ME3: variants seen among roughly 807,000 people sequenced by gnomAD.
The protein encoded by ME3 is malic enzyme 3.
Under a neutral mutation model 68.9 loss-of-function variants are expected in ME3, and 48 were observed. The observed-to-expected ratio is 0.70, with a 90% CI of 0.55 to 0.89. ME3 has a LOEUF of 0.89. Among genes scored for constraint, ME3 ranks in the 40% least tolerant of loss-of-function variants. The pLI is 0.00. For missense variants in ME3, 675 were observed against 797.4 expected, an observed-to-expected ratio of 0.85 and a Z score of 1.85; for synonymous variants, 320 against 318.8, an observed-to-expected ratio of 1.00 and a Z score of -0.04.
At chr11:86,553,271 T>G (rs1956782666) in intron 4 of ME3, among the ~76,000 whole-genome samples, 1 of 152,220 alleles carries the variant, frequency 6.6e-6, no homozygotes, top group African/African-American at 2.4e-5. Flanking sequence ...AGTCTCAATT[T>G]TAGCATCAGC....
chr11:86,501,620 C>A (rs1392748157), intron 5 of ME3, among the ~76,000 whole-genome samples: 2 of 152,214 alleles, frequency 1.3e-5, no homozygotes, highest in African/African-American at 4.8e-5. Flanking sequence ...CCAATTCCCA[C>A]AAGTCCCTAA....
At chr11:86,566,143 G>A (rs1046558449) in intron 2 of ME3, among the ~76,000 whole-genome samples, 5 of 152,200 alleles carry the variant, frequency 3.3e-5, no homozygotes, top group African/African-American at 7.2e-5. Context: ...GAGTGGCTCC[G>A]TGGACAGCAG....
rs1001433200 is a variant in ME3, at chr11:86,446,904, C to T, written c.1380+161G>A. 4 of 997,248 alleles carry T rather than the reference C, an allele frequency of 4.0e-6. No individual in the cohort carries two copies. In the African/African-American group the frequency reaches 6.5e-5, roughly 16 times the overall value. 61.8% of individuals were successfully genotyped at this position (997,248 alleles called of 1,614,324 possible). ...TCAGACCTGGGTTTGACAGCCAGCT[C>T]CACTCCTTATTAGCTCTTTGACCTT... On this transcript the variant is annotated intron_variant, in intron 12 of 14. Transcript: ENST00000543262.
intron 5 of ME3, among the ~76,000 whole-genome samples, chr11:86,504,705 T>G (rs1952953822): frequency 6.6e-6 from 1 of 150,438 alleles, no homozygotes; most frequent in African/African-American, 2.5e-5. Flanking sequence ...TTTTTTGTTT[T>G]CGTTTTTGAG....
At position 86,611,417 on chromosome 11, in the gene ME3, A is replaced by T. The variant is rs73524074; in HGVS notation, c.184-51594T>A. Among the ~76,000 whole-genome samples the T allele has an allele frequency of 5.2e-3, 797 of 152,240 alleles. 5 individuals are homozygous for T. Among genetic ancestry groups the T allele is most frequent in the African/African-American group, 0.018 (753 of 41,546 alleles). ...AGAATTGTATACTTGAAATTTTCTA[A>T]GAGAGTAGATCTTAAGTGTTCTCAA... On this transcript the variant is annotated intron_variant, in intron 2 of 14. Transcript: ENST00000543262.
intron 2 of ME3, among the ~76,000 whole-genome samples, chr11:86,642,633 G>T (rs867368092): frequency 6.6e-6 from 1 of 152,168 alleles, no homozygotes; most frequent in African/African-American, 2.4e-5. Flanking sequence ...ACCCTGGGAG[G>T]TGGAGGCTGC....
chr11:86,638,632 G>A (rs1270699418), intron 2 of ME3, among the ~76,000 whole-genome samples: 2 of 152,204 alleles, frequency 1.3e-5, no homozygotes, highest in African/African-American at 2.4e-5. Context: ...GCTTAAACTA[G>A]CATTTACTGG....
At chr11:86,515,712 G>C (rs1953849428) in intron 4 of ME3, among the ~76,000 whole-genome samples, 1 of 152,132 alleles carries the variant, frequency 6.6e-6, no homozygotes, top group Admixed American at 6.5e-5. Context: ...AGCTCTTTAC[G>C]GATGATTGGG....
chr11:86,589,461 T>A (rs971936532), intron 2 of ME3, among the ~76,000 whole-genome samples: 2 of 152,148 alleles, frequency 1.3e-5, no homozygotes, highest in Non-Finnish European at 2.9e-5. Flanking sequence ...TCAAGGACAT[T>A]AAGACTCTAG....
intron 2 of ME3, among the ~76,000 whole-genome samples, chr11:86,663,356 T>C (rs1247987110): frequency 6.6e-6 from 1 of 152,188 alleles, no homozygotes; most frequent in African/African-American, 2.4e-5. Flanking sequence ...TTGGTAGGAA[T>C]TGTGTTTCAA....
At chr11:86,511,244 C>T (rs1283812975) in intron 4 of ME3, among the ~76,000 whole-genome samples, 1 of 152,192 alleles carries the variant, frequency 6.6e-6, no homozygotes, top group Non-Finnish European at 1.5e-5. Flanking sequence ...TGTTTTACTT[C>T]TTGTGCTAAA....
intron 2 of ME3, among the ~76,000 whole-genome samples, chr11:86,664,554 A>G (rs116501663): frequency 0.012 from 1,881 of 152,234 alleles, 46 homozygotes; most frequent in African/African-American, 0.043. Context: ...ACCCCATTCC[A>G]TATTTCCTTG....
chr11:86,442,805 G>T lies in ME3; in HGVS notation c.1653+16C>A, dbSNP rs775561241. On this transcript the variant is annotated intron_variant, in intron 14 of 14. Coordinates refer to ENST00000543262, the Ensembl canonical transcript of ME3. ...GAGCCTCACTACCCATATTACAGGGGTAGGATGCCCCTTACTTTGATGGCA... is the reference window on the plus strand; with the variant it reads ...GAGCCTCACTACCCATATTACAGGGTTAGGATGCCCCTTACTTTGATGGCA... The T allele has an allele frequency of 2.5e-6, 4 of 1,590,526 alleles. No individual in the cohort carries two copies. The African/African-American group carries it at 5.4e-5, about 21-fold the overall frequency.
intron 8 of ME3, among the ~76,000 whole-genome samples, chr11:86,453,976 A>T (rs943868754): frequency 6.6e-6 from 1 of 152,220 alleles, no homozygotes; most frequent in Non-Finnish European, 1.5e-5. Flanking sequence ...TTAACATTTT[A>T]AAAAATATTA....
intron 2 of ME3, among the ~76,000 whole-genome samples, chr11:86,646,213 CAGA>C (rs1945004467): frequency 6.6e-6 from 1 of 152,136 alleles, no homozygotes. Context: ...TTTGAATTGA[CAGA>C]AGTAGGCTTC....
chr11:86,474,220 A>G (rs1480414129), intron 7 of ME3, among the ~76,000 whole-genome samples: 4 of 152,204 alleles, frequency 2.6e-5, no homozygotes, highest in Non-Finnish European at 5.9e-5. Flanking sequence ...CTAAGGGGGA[A>G]AACTCCCATT....
intron 5 of ME3, among the ~76,000 whole-genome samples, chr11:86,501,348 T>C (rs960154789): frequency 1.3e-5 from 2 of 152,222 alleles, no homozygotes; most frequent in Non-Finnish European, 2.9e-5. Context: ...TCTCAGACTT[T>C]GAAATTATTT....
intron 6 of ME3, among the ~76,000 whole-genome samples, chr11:86,492,960 CG>C (rs1364837948): frequency 2.0e-5 from 3 of 152,164 alleles, no homozygotes; most frequent in African/African-American, 7.2e-5. Context: ...GGGCACAGCA[CG>C]CTTTCTCCTC....
chr11:86,626,739 T>C (rs990612309), intron 2 of ME3, among the ~76,000 whole-genome samples: 1 of 152,208 alleles, frequency 6.6e-6, no homozygotes, highest in Non-Finnish European at 1.5e-5. Context: ...AAACCATTCT[T>C]AGCTCACCAG....
Sources: allele counts gnomAD v4.1 joint callset (sites outside exome capture counted in the v4.1 genomes callset), GRCh38; gene constraint gnomAD v4.1.1; transcripts MANE v1.5; gene names NCBI Gene and HGNC (gene_info 2026-07-23, HGNC 2026-07-21).